Variants in ERGIC1 observed in about 807,000 individuals in gnomAD.
The protein encoded by ERGIC1 is endoplasmic reticulum-golgi intermediate compartment 1.
Under a neutral mutation model 38.3 loss-of-function variants are expected in ERGIC1, and 19 were observed. That is an observed-to-expected ratio of 0.50 (90% CI 0.35 to 0.73). The LOEUF (loss-of-function observed/expected upper bound fraction) is 0.73, where lower values mean the gene tolerates loss of function less well. Ranked by LOEUF, ERGIC1 falls within the 30% of genes least tolerant of loss-of-function variation. The pLI, the probability that ERGIC1 is intolerant of heterozygous loss-of-function variation, is 0.01. For synonymous variants in ERGIC1, 124 were observed against 157.6 expected, an observed-to-expected ratio of 0.79 and a Z score of 1.60; for missense variants, 294 against 389.2, an observed-to-expected ratio of 0.76 and a Z score of 2.06.
In ERGIC1 at chr5:172,914,883, T is replaced by G. The variant is rs191191705; in HGVS notation, c.375+45T>G. ...GCCCTTTCTACCTGCTCCCCTTTCC[T>G]GCTGTCTCCCCGCTCCCTGGAAACT... On this transcript the variant is annotated intron_variant, in intron 5 of 9. Coordinates refer to ENST00000393784, the MANE Select transcript of ERGIC1 (RefSeq NM_001031711.3). The G allele has an allele frequency of 4.3e-4, 693 of 1,612,920 alleles. 2 individuals carry two copies. In the African/African-American group the frequency reaches 8.4e-3, roughly 20 times the overall value.
chr5:172,835,343 T>G (rs757675217), intron 1 of ERGIC1, among the ~76,000 whole-genome samples: 1 of 152,184 alleles, frequency 6.6e-6, no homozygotes, highest in Non-Finnish European at 1.5e-5. Flanking sequence ...GGGCAAAGGC[T>G]CTGGGTTCAG....
In ERGIC1 at chr5:172,944,867, C is replaced by G. The variant is rs561751799; in HGVS notation, c.766-5842C>G. On this transcript the variant is annotated intron_variant, in intron 9 of 9. Transcript: ENST00000393784. ...CTGCCCCATCCAGGGTCTCCCCCTC[C>G]AGGCCCACCTTTTCATCAGCACTGC... Among the ~76,000 whole-genome samples the G allele has an allele frequency of 1.3e-5, 2 of 152,228 alleles. 1 individual carries two copies. Among genetic ancestry groups the G allele is most frequent in the African/African-American group, 4.8e-5 (2 of 41,456 alleles).
intron 5 of ERGIC1, 190 bp downstream of exon 5, chr5:172,915,028 T>TA (rs1194877535): frequency 1.1e-6 from 1 of 871,214 alleles, no homozygotes; most frequent in South Asian, 1.4e-5. Context: ...TCCCTGGGGT[T>TA]TTAAGCCCCT....
intron 2 of ERGIC1, among the ~76,000 whole-genome samples, chr5:172,893,941 A>ATATATATATG (rs1554110414): frequency 0.058 from 2,233 of 38,598 alleles, 241 homozygotes; most frequent in African/African-American, 0.13. Flanking sequence ...GTGTGTATAT[A>ATATATATATG]TATATATATA....
chr5:172,890,891 G>A (rs986021825), intron 2 of ERGIC1, among the ~76,000 whole-genome samples: 5 of 152,212 alleles, frequency 3.3e-5, no homozygotes, highest in African/African-American at 1.2e-4. Flanking sequence ...TGGGGATCCG[G>A]CTGGGCTTGT....
chr5:172,946,539 G>C (rs59851894), intron 9 of ERGIC1, among the ~76,000 whole-genome samples: 1 of 152,196 alleles, frequency 6.6e-6, no homozygotes, highest in Admixed American at 6.5e-5. Context: ...TTCCAAGGCA[G>C]ACACACCACC....
chr5:172,932,335 C>T, intron 7 of ERGIC1, 101 bp from the exon 8 acceptor site: 1 of 1,212,108 alleles, frequency 8.3e-7, no homozygotes, highest in Non-Finnish European at 1.2e-6. Context: ...AATGAGCCCC[C>T]TGCCGTGCCC....
At chr5:172,890,870 G>T (rs530422050) in intron 2 of ERGIC1, among the ~76,000 whole-genome samples, 1 of 152,334 alleles carries the variant, frequency 6.6e-6, no homozygotes, top group Middle Eastern at 3.4e-3. Flanking sequence ...TTCTCAGTTG[G>T]GGGAGGACCT....
At chr5:172,919,336 A>T (rs144312842) in intron 5 of ERGIC1, among the ~76,000 whole-genome samples, 2,414 of 152,268 alleles carry the variant, frequency 0.016, 66 homozygotes, top group African/African-American at 0.055. Context: ...CCCCGGGGAG[A>T]TGCAACCACC....
intron 5 of ERGIC1, chr5:172,915,574 C>T (rs1222653188): frequency 2.1e-6 from 1 of 471,020 alleles, no homozygotes; most frequent in Non-Finnish European, 4.4e-6. Flanking sequence ...TTGGGAGGGC[C>T]GAGGCACCCG....
At chr5:172,942,688 G>C (rs977463598) in intron 9 of ERGIC1, among the ~76,000 whole-genome samples, 6 of 152,210 alleles carry the variant, frequency 3.9e-5, no homozygotes, top group Non-Finnish European at 5.9e-5. Context: ...CTTCAAGAAG[G>C]TGTTCCAGAG....
intron 1 of ERGIC1, among the ~76,000 whole-genome samples, chr5:172,880,311 AATTATT>A (rs995620644): frequency 3.3e-5 from 5 of 151,700 alleles, no homozygotes; most frequent in Non-Finnish European, 4.4e-5. Flanking sequence ...TATTTTTAAA[AATTATT>A]ATTATTATTT....
intron 2 of ERGIC1, among the ~76,000 whole-genome samples, chr5:172,894,097 T>A (rs1366920041): frequency 1.1e-4 from 16 of 144,698 alleles, no homozygotes; most frequent in East Asian, 3.9e-4. Context: ...CTTTAAAAAA[T>A]TTTTTTTTCT....
In ERGIC1 at chr5:172,877,877, G is replaced by A. The variant is rs182483950; in HGVS notation, c.21-10822G>A. On this transcript the variant is annotated intron_variant, in intron 1 of 9. Coordinates refer to ENST00000393784, the MANE Select transcript of ERGIC1 (RefSeq NM_001031711.3). ...CCTGCGTGACCCACAGGAGATTCAA[G>A]GACAAATCTGACCCAGCCCAGCAAG... Among the ~76,000 whole-genome samples the A allele has an allele frequency of 1.8e-3, 271 of 152,260 alleles. 2 individuals are homozygous for A. The highest frequency in any genetic ancestry group is 6.2e-3 in the African/African-American group (258 of 41,544).
intron 1 of ERGIC1, among the ~76,000 whole-genome samples, chr5:172,882,925 A>G (rs6881690): frequency 0.4 from 59,948 of 151,752 alleles, 14,083 homozygotes; most frequent in Non-Finnish European, 0.53. Context: ...GGTGGTGGTG[A>G]TGATGATGAT....
chr5:172,909,766 G>C lies in ERGIC1; in HGVS notation c.250+5G>C. On this transcript the variant is annotated splice_donor_5th_base_variant and intron_variant, in intron 4 of 9. Transcript: ENST00000393784. ...TACCCAATCTGCACTGCGAGTGTGA[G>C]TACTCCACGCAGCCCCTCCCTCCAG... The C allele has an allele frequency of 6.2e-7, 1 of 1,613,470 alleles. No individual in the cohort carries two copies. The highest frequency in any genetic ancestry group is 8.5e-7 in the Non-Finnish European group (1 of 1,179,380).
At chr5:172,879,757 T>C (rs1347886706) in intron 1 of ERGIC1, among the ~76,000 whole-genome samples, 3 of 152,228 alleles carry the variant, frequency 2.0e-5, no homozygotes, top group African/African-American at 7.2e-5. Flanking sequence ...AAACCTTCTA[T>C]GTGGGAGGTT....
chr5:172,909,851 C>A (rs2113381435), intron 4 of ERGIC1, 90 bp downstream of exon 4: 3 of 1,150,680 alleles, frequency 2.6e-6, no homozygotes, highest in Non-Finnish European at 3.9e-6. Context: ...CCAGGACAAG[C>A]CAAGCCAACA....
intron 2 of ERGIC1, among the ~76,000 whole-genome samples, chr5:172,893,920 T>TATATACAC (rs1561721908): frequency 1.2e-4 from 10 of 85,570 alleles, no homozygotes; most frequent in African/African-American, 4.4e-4. Flanking sequence ...TGTGTGTGTG[T>TATATACAC]GTGTGTGTGT....
Sources: allele counts gnomAD v4.1 joint callset (sites outside exome capture counted in the v4.1 genomes callset), GRCh38; gene constraint gnomAD v4.1.1; transcripts MANE v1.5; gene names NCBI Gene and HGNC (gene_info 2026-07-23, HGNC 2026-07-21).